The following TOP2B variants were observed in gnomAD, a reference collection of about 807,000 sequenced individuals.
The protein encoded by TOP2B is DNA topoisomerase II beta.
A neutral mutation model predicts 193.5 loss-of-function variants in TOP2B; 51 were observed. That is an observed-to-expected ratio of 0.26 (90% confidence interval 0.21 to 0.33). The LOEUF (loss-of-function observed/expected upper bound fraction) is 0.33. Ranked by LOEUF, TOP2B falls within the 10% of genes least tolerant of loss-of-function variation. TOP2B has a pLI of 1.00. For synonymous variants in TOP2B, 634 were observed against 635.7 expected, an observed-to-expected ratio of 1.00 and a Z score of 0.04; for missense variants, 1,378 against 1,909.3, an observed-to-expected ratio of 0.72 and a Z score of 5.19.
chr3:25,607,255 T>C lies in TOP2B; in HGVS notation c.4214A>G (p.Asp1405Gly). Residue 1405 changes from aspartate (D) to glycine (G), a missense_variant, in exon 31 of 36, where the codon GAT becomes GGT. Transcript: ENST00000264331. The stretch of plus-strand genomic sequence containing the variant: ...TGAAGGAACAAATTCATCTTCCCCA[T>C]CATTTGTTATGGGAGATGCTTTAAC... ...LKVKASPITN[D>G]GEDEFVPSDG... 2.5e-6 allele frequency: 4 copies of C among 1,593,902 alleles called. No individual in the cohort carries two copies. Among genetic ancestry groups the C allele is most frequent in the Non-Finnish European group, 3.4e-6 (4 of 1,168,516 alleles).
Position 25,602,422 on chromosome 3 carries a change from A to AG in TOP2B, c.4490-1198_4490-1197insC, listed in dbSNP as rs571093416. ...AAAAAAAAAAAAAGAAAAAGAAAAA[A>AG]AAAAAACTGATAAATCACTTTTTGT... is the stretch of plus-strand genomic sequence containing the variant. On this transcript the variant is annotated intron_variant, in intron 33 of 35. Transcript: ENST00000264331. Among the ~76,000 whole-genome samples the AG allele has an allele frequency of 1.3e-3, 198 of 151,410 alleles. 3 individuals carry two copies. Among genetic ancestry groups the AG allele is most frequent in the South Asian group, 3.3e-3 (16 of 4,790 alleles).
intron 3 of TOP2B, among the ~76,000 whole-genome samples, chr3:25,643,091 C>T (rs892528469): frequency 6.6e-6 from 1 of 152,162 alleles, no homozygotes; most frequent in African/African-American, 2.4e-5. Context: ...TTCTGAGACC[C>T]ATACAACTGC....
At chr3:25,646,350 G>A (rs1487952457) in intron 1 of TOP2B, among the ~76,000 whole-genome samples, 3 of 152,098 alleles carry the variant, frequency 2.0e-5, no homozygotes. Context: ...TCACATATCA[G>A]CTCTGGGTGT....
At chr3:25,638,946 T>G (rs971544214) in intron 4 of TOP2B, among the ~76,000 whole-genome samples, 3 of 152,162 alleles carry the variant, frequency 2.0e-5, no homozygotes, top group Non-Finnish European at 2.9e-5. Context: ...ACAAATAAAG[T>G]TTCAAAAATA....
At chr3:25,624,500 T>A in intron 19 of TOP2B, 55 bp from the exon 20 acceptor site, 1 of 1,575,350 alleles carries the variant, frequency 6.3e-7, no homozygotes, top group Non-Finnish European at 8.6e-7. Flanking sequence ...TTTCTATAAT[T>A]ACTCCCCAAC....
chr3:25,635,573 T>C (rs1703083793), intron 7 of TOP2B, among the ~76,000 whole-genome samples: 1 of 152,182 alleles, frequency 6.6e-6, no homozygotes, highest in Non-Finnish European at 1.5e-5. Context: ...ATGAGGAATG[T>C]CTTTGACAGG....
intron 1 of TOP2B, among the ~76,000 whole-genome samples, chr3:25,655,579 C>T (rs1703719985): frequency 6.6e-6 from 1 of 152,124 alleles, no homozygotes. Context: ...GATATTTGCA[C>T]ACCCATGTTC....
At position 25,627,170 on chromosome 3, in the gene TOP2B, A is replaced by G; in HGVS notation, c.2016+17T>C. 1.3e-6 allele frequency: 2 copies of G among 1,569,640 alleles called. No homozygotes were observed. Among genetic ancestry groups the G allele is most frequent in the Non-Finnish European group, 1.7e-6 (2 of 1,152,728 alleles). On this transcript the variant is annotated intron_variant, in intron 16 of 35. Coordinates refer to ENST00000264331, the MANE Select transcript of TOP2B (RefSeq NM_001330700.2). ...GGGGATGGCTAACAAAAGCTTTTAA[A>G]AAATTAACTTAATTACCAAGGTAAT...
chr3:25,633,536 C>T (rs1703019389), intron 8 of TOP2B, among the ~76,000 whole-genome samples: 1 of 152,028 alleles, frequency 6.6e-6, no homozygotes, highest in Admixed American at 6.6e-5. Context: ...TCTCCTCTCC[C>T]CAGAGGTTGG....
chr3:25,619,818 A>G, intron 23 of TOP2B, 44 bp downstream of exon 23: 1 of 1,408,910 alleles, frequency 7.1e-7, no homozygotes, highest in Non-Finnish European at 1.0e-6. Context: ...TCCGACTTAT[A>G]CCATGCAAGA....
intron 3 of TOP2B, 58 bp downstream of exon 3, chr3:25,643,636 A>G (rs1559506122): frequency 7.6e-7 from 1 of 1,309,872 alleles, no homozygotes; most frequent in South Asian, 1.2e-5. Context: ...TTTATATATA[A>G]AAGGACACTA....
rs959312620 is a variant in TOP2B at position 25,664,749 on chromosome 3, G to T, written c.-452C>A. 1.0e-5 allele frequency: 10 copies of T among 988,266 alleles called. No homozygotes were observed. Among genetic ancestry groups the T allele is most frequent in the African/African-American group, 1.7e-5 (1 of 57,304 alleles). 61.2% of individuals were successfully genotyped at this position (988,266 alleles called of 1,614,324 possible). The stretch of plus-strand genomic sequence containing the variant: ...CGAAGGCCAGCCACTCGAGTCGCCA[G>T]AGTAGTCGTCCCGGTCGCCGCCGCT... On this transcript the variant is annotated 5_prime_UTR_variant, in exon 1 of 36. The change creates a new upstream start codon in the 5' untranslated region. Transcript: ENST00000264331.
intron 16 of TOP2B, 125 bp downstream of exon 16, chr3:25,627,062 A>G (rs760987810): frequency 3.1e-5 from 24 of 764,476 alleles, no homozygotes; most frequent in Middle Eastern, 2.4e-4. Context: ...CATCTGGGGG[A>G]AAAATTAAAA....
Position 25,630,104 on chromosome 3 carries a change from T to A in TOP2B, c.1614A>T (p.Gln538His). The A allele has an allele frequency of 6.3e-7, 1 of 1,599,598 alleles. No homozygotes were observed. Among genetic ancestry groups the A allele is most frequent in the Non-Finnish European group, 8.5e-7 (1 of 1,171,888 alleles). ...INNIIKIVGL[Q>H]YKKSYDDAES... ...CTGCATCATCGTAACTTTTCTTATA[T>A]TGTAGACCAACTATTTTAATAATAT... The change falls in exon 13 of 36, where the codon CAA becomes CAT. Residue 538 changes from glutamine to histidine, a missense_variant. Gln to His is a conservative substitution (Grantham distance 24). Coordinates refer to ENST00000264331, the MANE Select transcript of TOP2B (RefSeq NM_001330700.2).
chr3:25,627,899 A>G (rs1386200463), intron 15 of TOP2B, among the ~76,000 whole-genome samples: 2 of 151,178 alleles, frequency 1.3e-5, no homozygotes, highest in Non-Finnish European at 3.0e-5. Context: ...GCAAAACCCC[A>G]CCCATACTAC....
At chr3:25,624,523 C>T in intron 19 of TOP2B, 78 bp from the exon 20 acceptor site, 2 of 1,548,198 alleles carry the variant, frequency 1.3e-6, no homozygotes, top group South Asian at 1.2e-5. Context: ...GAATTAAAAT[C>T]CAAGTGAAGA....
chr3:25,629,980 A>T (rs747630140), intron 13 of TOP2B, 49 bp downstream of exon 13: 5 of 1,510,124 alleles, frequency 3.3e-6, no homozygotes, highest in Non-Finnish European at 4.4e-6. Flanking sequence ...TTAAAGGGAG[A>T]ATCTGAAGAA....
intron 33 of TOP2B, among the ~76,000 whole-genome samples, chr3:25,603,418 T>C (rs1289940728): frequency 6.6e-6 from 1 of 152,096 alleles, no homozygotes. Context: ...AATTTTTGTA[T>C]TTTTAGTAGA....
intron 21 of TOP2B, among the ~76,000 whole-genome samples, chr3:25,621,825 C>T (rs1219928130): frequency 6.6e-6 from 1 of 151,932 alleles, no homozygotes; most frequent in East Asian, 1.9e-4. Flanking sequence ...CCCGTCTCTA[C>T]TAAAAATACA....
Sources: allele counts gnomAD v4.1 joint callset (sites outside exome capture counted in the v4.1 genomes callset), GRCh38; gene constraint gnomAD v4.1.1; transcripts MANE v1.5; gene names NCBI Gene and HGNC (gene_info 2026-07-23, HGNC 2026-07-21).